Variants in PSG4 observed in about 807,000 individuals in gnomAD.
PSG4 encodes pregnancy-specific beta-1-glycoprotein 4.
A neutral mutation model predicts 44.3 loss-of-function variants in PSG4; 61 were observed. The ratio of observed to expected loss-of-function variants is 1.38; its 90% CI spans 1.12 to 1.70. The LOEUF is 1.70. PSG4 is among the 40% of genes most tolerant of loss of function. PSG4 has a pLI of 0.00. For missense variants in PSG4, 677 were observed against 511.7 expected (o/e 1.32, Z -3.12); for synonymous variants, 248 against 191.3 (o/e 1.30, Z -2.45).
chr19:43,204,063 C>G lies in PSG4; in HGVS notation c.253G>C (p.Asp85His), dbSNP rs1967644475. The change falls in exon 2 of 6, where the codon GAC (aspartate) becomes CAC (histidine). Residue 85 changes from aspartate (D) to histidine (H), a missense_variant. Transcript: ENST00000405312. ...LYHYITSYVV[D>H]GQRIIYGPAY... ...GGCCCATATATAATTCTTTGACCGT[C>G]TACTACATATGATGTAATGTAATGG... The G allele has an allele frequency of 3.2e-6, 5 of 1,586,524 alleles. No individual in the cohort carries two copies. In the South Asian group the frequency reaches 3.3e-5, roughly 11 times the overall value.
chr19:43,202,323 G>T (rs1315895272), intron 2 of PSG4, among the ~76,000 whole-genome samples: 1 of 144,014 alleles, frequency 6.9e-6, no homozygotes, highest in Non-Finnish European at 1.5e-5. Flanking sequence ...GGACCAAGGA[G>T]CCCAGAGAAC....
At chr19:43,200,083 C>G (rs1568387535) in intron 2 of PSG4, among the ~76,000 whole-genome samples, 2 of 145,484 alleles carry the variant, frequency 1.4e-5, no homozygotes, top group African/African-American at 2.6e-5. Flanking sequence ...GGGGAGGACC[C>G]CAAAACAGGT....
In PSG4 at chr19:43,193,241, C is replaced by T. The variant is rs1350973895; in HGVS notation, c.*131G>A. On this transcript the variant is annotated 3_prime_UTR_variant, in exon 6 of 6. Transcript: ENST00000405312. ...GGTGAGTTCTGAGTGGCTCACATGT[C>T]AGGTACAAGGGTTTTCCCATGAAAT... 15 of 765,140 alleles carry T rather than the reference C, an allele frequency of 2.0e-5. No homozygotes were observed. The highest frequency in any genetic ancestry group is 3.4e-5 in the Non-Finnish European group (14 of 417,360). The allele number at this position is 765,140 out of a possible 1,614,324, so 47.4% of individuals were successfully genotyped here. A position where few individuals can be genotyped will look rare whatever the true frequency, so the allele number is the denominator to read the frequency against.
chr19:43,204,195 G>C lies in PSG4; in HGVS notation c.121C>G (p.Gln41Glu). 2.5e-6 allele frequency: 4 copies of C among 1,584,756 alleles called. No individual in the cohort carries two copies. The highest frequency in any genetic ancestry group is 3.4e-6 in the Non-Finnish European group (4 of 1,169,870). Residue 41 changes from glutamine to glutamate, a missense_variant, in exon 2 of 6, where the codon CAG (glutamine) becomes GAG (glutamate). Coordinates refer to ENST00000405312, the MANE Select transcript of PSG4 (RefSeq NM_002780.5). ...PTTAQVTIEA[Q>E]PPKVSEGKDV... ...TTCCCCTCAGAAACTTTGGGTGGCT[G>C]GGCTTCAATCGTGACTTGGGCAGTT...
At chr19:43,200,456 C>G (rs1568387858) in intron 2 of PSG4, among the ~76,000 whole-genome samples, 1 of 145,118 alleles carries the variant, frequency 6.9e-6, no homozygotes, top group Non-Finnish European at 1.5e-5. Flanking sequence ...TTTTCCCCAC[C>G]CTTTTTGAAC....
rs748575137 is a variant in PSG4 at position 43,194,735 on chromosome 19, G to A, written c.989-141C>T. 94 of 1,446,338 alleles carry A rather than the reference G, an allele frequency of 6.5e-5. 2 individuals are homozygous for A. Among genetic ancestry groups the A allele is most frequent in the Non-Finnish European group, 7.3e-5 (79 of 1,077,742 alleles). 89.6% of individuals were successfully genotyped at this position (1,446,338 alleles called of 1,614,324 possible). Reference sequence around the variant, plus strand: ...AAACTCCCTCTATGTTCACTGAGCCGAAGCCTGAGGTATTCACCTGTTTCT... The same window carrying A: ...AAACTCCCTCTATGTTCACTGAGCCAAAGCCTGAGGTATTCACCTGTTTCT... On this transcript the variant is annotated intron_variant, in intron 4 of 5. Transcript: ENST00000405312.
intron 4 of PSG4, 175 bp from the exon 5 acceptor site, chr19:43,194,769 A>C (rs1390400290): frequency 7.1e-7 from 1 of 1,416,720 alleles, no homozygotes; most frequent in Non-Finnish European, 9.5e-7. Context: ...CTCCCATCAC[A>C]AGTTTTAGGC....
At position 43,204,337 on chromosome 19, in the gene PSG4, C is replaced by G; in HGVS notation, c.65-86G>C. 4 of 1,407,658 alleles carry G rather than the reference C, an allele frequency of 2.8e-6. 1 individual carries two copies. The highest frequency in any genetic ancestry group is 3.8e-6 in the Non-Finnish European group (4 of 1,048,452). The allele number at this position is 1,407,658 out of a possible 1,614,324, so 87.2% of individuals were successfully genotyped here. On this transcript the variant is annotated intron_variant, in intron 1 of 5. Transcript: ENST00000405312. ...GTCCTGAGAAGGTCTCTTCAATCCT[C>G]AGCCTTGAAGACACACAAACACACA...
intron 3 of PSG4, 106 bp from the exon 4 acceptor site, chr19:43,195,379 C>G (rs1413096861): frequency 6.7e-7 from 1 of 1,499,180 alleles, no homozygotes; most frequent in Non-Finnish European, 9.0e-7. Flanking sequence ...CCACCCGAGT[C>G]CTTGAAAGCC....
At position 43,195,275 on chromosome 19, in the gene PSG4, T is replaced by G; in HGVS notation, c.710-2A>C. The G allele has an allele frequency of 6.2e-6, 10 of 1,610,062 alleles. No individual in the cohort carries two copies. In the South Asian group the frequency reaches 7.7e-5, roughly 12 times the overall value. On this transcript the variant is annotated splice_acceptor_variant, in intron 3 of 5. Coordinates refer to ENST00000405312, the MANE Select transcript of PSG4 (RefSeq NM_002780.5). LOFTEE classifies it high-confidence loss of function. ...TGATGTAGGGCTTGGACAGCTTTGC[T>G]GTGTGGATAACAGAGAGAAGATTGT...
At chr19:43,196,235 C>T (rs938441841) in intron 3 of PSG4, among the ~76,000 whole-genome samples, 1 of 151,494 alleles carries the variant, frequency 6.6e-6, no homozygotes, top group African/African-American at 2.4e-5. Context: ...CTCTCTGATT[C>T]CCTGGGTTCG....
At chr19:43,194,015 T>G (rs1182282766) in intron 5 of PSG4, 1 of 983,432 alleles carries the variant, frequency 1.0e-6, no homozygotes, top group Non-Finnish European at 1.5e-6. Context: ...AAAAATTCCA[T>G]AAATCTAGAA....
At chr19:43,195,395 C>T (rs1454018848) in intron 3 of PSG4, 122 bp from the exon 4 acceptor site, 2 of 1,449,364 alleles carry the variant, frequency 1.4e-6, no homozygotes, top group African/African-American at 2.8e-5. Context: ...AAGCCAATAG[C>T]TGGTGCTTCT....
rs1316277751 is a variant in PSG4, at chr19:43,205,291, T to C, written c.64+182A>G. On this transcript the variant is annotated intron_variant, in intron 1 of 5. Coordinates refer to ENST00000405312, the MANE Select transcript of PSG4 (RefSeq NM_002780.5). ...CCTGGTTAATTTTTTGTGTTTTTAG[T>C]AGAGACAGGGCTTCACAGTGTTGGC... is the stretch of plus-strand genomic sequence containing the variant. 1.9e-4 allele frequency among the ~76,000 whole-genome samples: 27 copies of C among 142,830 alleles called. 2 individuals are homozygous for C. The highest frequency in any genetic ancestry group is 1.8e-3 in the Admixed American group (26 of 14,404). The allele number at this position is 142,830 out of a possible 152,430, so 93.7% of individuals were successfully genotyped here. A position where few individuals can be genotyped will look rare whatever the true frequency, so the allele number is the denominator to read the frequency against.
intron 2 of PSG4, 88 bp from the exon 3 acceptor site, chr19:43,198,363 C>T (rs1967352323): frequency 1.3e-6 from 2 of 1,506,836 alleles, no homozygotes; most frequent in African/African-American, 1.5e-5. Context: ...CATTTCCCAC[C>T]TCTCAGCCCA....
chr19:43,196,959 A>G (rs1335614915), intron 3 of PSG4: 1 of 146,472 alleles, frequency 6.8e-6, no homozygotes, highest in Non-Finnish European at 1.5e-5. Flanking sequence ...GATTCTTCCA[A>G]TCCATGAAAA....
chr19:43,204,772 G>A (rs746186359), intron 1 of PSG4: 1 of 389,394 alleles, frequency 2.6e-6, no homozygotes. Flanking sequence ...CCTGGAACAG[G>A]CGGCAGACTC....
rs1012319868 is a variant in PSG4 at position 43,193,610 on chromosome 19, G to A, written c.1244-222C>T. 50 of 586,634 alleles carry A rather than the reference G, an allele frequency of 8.5e-5. 1 individual carries two copies. The highest frequency in any genetic ancestry group is 1.4e-4 in the Non-Finnish European group (47 of 332,804). 36.3% of individuals were successfully genotyped at this position (586,634 alleles called of 1,614,324 possible). On this transcript the variant is annotated intron_variant, in intron 5 of 5. Transcript: ENST00000405312. ...TGCAGCAAGAGTAGCAATAGACCAT[G>A]TAGGCGCTCTTTTAGAATTTTATTT...
At position 43,193,132 on chromosome 19, in the gene PSG4, G is replaced by C. The variant is rs1967084312; in HGVS notation, c.*240C>G. The stretch of plus-strand genomic sequence containing the variant: ...GGGGAGTCTTGTTCTGACATCTTTG[G>C]AAAAACTGTCCACAGTGTGAAGTCA... On this transcript the variant is annotated 3_prime_UTR_variant, in exon 6 of 6. Coordinates refer to ENST00000405312, the MANE Select transcript of PSG4 (RefSeq NM_002780.5). 2 of 667,160 alleles carry C rather than the reference G, an allele frequency of 3.0e-6. No individual in the cohort carries two copies. Among genetic ancestry groups the C allele is most frequent in the East Asian group, 2.7e-5 (1 of 37,152 alleles). 41.3% of individuals were successfully genotyped at this position (667,160 alleles called of 1,614,324 possible).
Sources: allele counts gnomAD v4.1 joint callset (sites outside exome capture counted in the v4.1 genomes callset), GRCh38; gene constraint gnomAD v4.1.1; transcripts MANE v1.5; gene names NCBI Gene and HGNC (gene_info 2026-07-23, HGNC 2026-07-21).